RASSF8: variants seen among roughly 807,000 people sequenced by gnomAD.
RASSF8 encodes ras association domain-containing protein 8.
A neutral mutation model predicts 48.5 loss-of-function variants in RASSF8; 22 were observed. The ratio of observed to expected loss-of-function variants is 0.45; its 90% CI spans 0.32 to 0.65. The LOEUF (loss-of-function observed/expected upper bound fraction) is 0.65. Ranked by LOEUF, RASSF8 falls within the 30% of genes least tolerant of loss-of-function variation. The pLI is 0.03. For synonymous variants in RASSF8, 127 were observed against 171.5 expected, an observed-to-expected ratio of 0.74 and a Z score of 2.03; for missense variants, 418 against 489.2, an observed-to-expected ratio of 0.85 and a Z score of 1.37.
intron 1 of RASSF8, among the ~76,000 whole-genome samples, chr12:25,989,671 C>T (rs1313147185): frequency 3.9e-5 from 6 of 152,160 alleles, no homozygotes; most frequent in Non-Finnish European, 7.3e-5. Flanking sequence ...ATCCCTTCTC[C>T]TCTGCCACTC....
At chr12:26,067,953 T>A (rs1943916473) in intron 5 of RASSF8, among the ~76,000 whole-genome samples, 1 of 152,056 alleles carries the variant, frequency 6.6e-6, no homozygotes, top group South Asian at 2.1e-4. Flanking sequence ...GTATTTCTTG[T>A]AGAGATGAGG....
chr12:26,057,813 C>T (rs559192218), intron 3 of RASSF8, among the ~76,000 whole-genome samples: 22 of 152,234 alleles, frequency 1.4e-4, no homozygotes, highest in African/African-American at 5.3e-4. Flanking sequence ...TTTTAATGAT[C>T]GCCATTCCAA....
intron 1 of RASSF8, among the ~76,000 whole-genome samples, chr12:25,982,372 CAT>C (rs1555159723): frequency 6.6e-6 from 1 of 152,084 alleles, no homozygotes; most frequent in Non-Finnish European, 1.5e-5. Flanking sequence ...ATGAAAAAGA[CAT>C]AATGGTTTTA....
At chr12:26,061,083 G>A (rs1943732224) in intron 3 of RASSF8, among the ~76,000 whole-genome samples, 1 of 152,076 alleles carries the variant, frequency 6.6e-6, no homozygotes. Flanking sequence ...CATATGTGGT[G>A]TTCAATATAC....
Position 26,069,190 on chromosome 12 carries a change from A to G in RASSF8, c.*372A>G, listed in dbSNP as rs114677809. ...TAGTTTAATTTATTTCATGTAATCAATGTGTGAATGTTGATGTTTTAATAT... is the reference window on the plus strand; with the variant it reads ...TAGTTTAATTTATTTCATGTAATCAGTGTGTGAATGTTGATGTTTTAATAT... On this transcript the variant is annotated 3_prime_UTR_variant, in exon 6 of 6. Transcript: ENST00000689635. 2,585 of 990,154 alleles carry G rather than the reference A, an allele frequency of 2.6e-3. 55 individuals are homozygous for G. In the African/African-American group the frequency reaches 0.041, roughly 16 times the overall value. 61.3% of individuals were successfully genotyped at this position (990,154 alleles called of 1,614,324 possible).
intron 2 of RASSF8, among the ~76,000 whole-genome samples, chr12:26,030,329 CT>C (rs150582326): frequency 0.097 from 14,835 of 152,162 alleles, 762 homozygotes; most frequent in Middle Eastern, 0.16. Flanking sequence ...AATCTTCCTT[CT>C]TTCTCATGGT....
intron 1 of RASSF8, among the ~76,000 whole-genome samples, chr12:25,974,165 A>G (rs1941549664): frequency 6.6e-6 from 1 of 151,944 alleles, no homozygotes; most frequent in African/African-American, 2.4e-5. Context: ...AATGGAGTGT[A>G]ATTTTTTTCC....
At chr12:26,067,230 A>G (rs1020182435) in intron 4 of RASSF8, among the ~76,000 whole-genome samples, 11 of 152,244 alleles carry the variant, frequency 7.2e-5, no homozygotes, top group Admixed American at 6.5e-4. Context: ...ATGAGTTTAC[A>G]GACTGAGAAA....
At chr12:25,977,040 C>T (rs1941623373) in intron 1 of RASSF8, among the ~76,000 whole-genome samples, 1 of 152,178 alleles carries the variant, frequency 6.6e-6, no homozygotes, top group Non-Finnish European at 1.5e-5. Context: ...TATCCATTAT[C>T]TAATTTGATT....
chr12:26,047,036 C>A lies in RASSF8; in HGVS notation c.-108-8200C>A, dbSNP rs149928545. Among the ~76,000 whole-genome samples the A allele has an allele frequency of 1.5e-3, 232 of 152,290 alleles. 1 individual carries two copies. The highest frequency in any genetic ancestry group is 5.3e-3 in the African/African-American group (220 of 41,544). On this transcript the variant is annotated intron_variant, in intron 2 of 5. Coordinates refer to ENST00000689635, the MANE Select transcript of RASSF8 (RefSeq NM_001394098.1). ...AGACTTTGAGAGTGTGGTCTCTAAT[C>A]CCAGTTCTGAGAGCTTTAACGGGAG...
At chr12:26,013,404 A>G (rs774108618) in intron 2 of RASSF8, among the ~76,000 whole-genome samples, 18 of 152,220 alleles carry the variant, frequency 1.2e-4, no homozygotes, top group Non-Finnish European at 2.6e-4. Flanking sequence ...ATGAGCCTCC[A>G]TGAGCTTAAG....
chr12:25,994,124 A>C (rs1214260610), intron 1 of RASSF8, among the ~76,000 whole-genome samples: 1 of 152,108 alleles, frequency 6.6e-6, no homozygotes, highest in East Asian at 1.9e-4. Context: ...GTTTTCTTAC[A>C]TTTGCATCAG....
chr12:26,004,996 G>C (rs1032905356), intron 2 of RASSF8, among the ~76,000 whole-genome samples: 1 of 149,606 alleles, frequency 6.7e-6, no homozygotes, highest in Non-Finnish European at 1.5e-5. Context: ...TTTACAAAAA[G>C]TTAAAAAAAA....
chr12:26,022,882 C>T (rs920542943), intron 2 of RASSF8, among the ~76,000 whole-genome samples: 9 of 152,084 alleles, frequency 5.9e-5, no homozygotes, highest in Non-Finnish European at 1.2e-4. Flanking sequence ...GCTGGGATTA[C>T]AGGCATGTGC....
At position 26,068,563 on chromosome 12, in the gene RASSF8, A is replaced by G. The variant is rs1301696000; in HGVS notation, c.1139-134A>G. The G allele has an allele frequency of 7.3e-6, 5 of 687,324 alleles. No homozygotes were observed. The East Asian group carries it at 1.1e-4, about 15-fold the overall frequency. The allele number at this position is 687,324 out of a possible 1,614,324, so 42.6% of individuals were successfully genotyped here. A position where few individuals can be genotyped will look rare whatever the true frequency, so the allele number is the denominator to read the frequency against. On this transcript the variant is annotated intron_variant, in intron 5 of 5. Transcript: ENST00000689635. ...AGGTTTTAGCCTTCTCCCCCAGCCC[A>G]GGGCACACAGGGGATTGCAATTATT...
chr12:26,002,003 G>A (rs1349071883), intron 2 of RASSF8, among the ~76,000 whole-genome samples: 6 of 152,194 alleles, frequency 3.9e-5, no homozygotes, highest in Admixed American at 3.9e-4. Flanking sequence ...ATGCTATGAT[G>A]GCTACGCCGT....
chr12:26,056,199 T>C, intron 3 of RASSF8, among the ~76,000 whole-genome samples: 1 of 152,118 alleles, frequency 6.6e-6, no homozygotes, highest in East Asian at 1.9e-4. Context: ...TAAAATAAAA[T>C]AAAATCTTAT....
chr12:26,059,639 A>T (rs891343964), intron 3 of RASSF8, among the ~76,000 whole-genome samples: 4 of 152,154 alleles, frequency 2.6e-5, no homozygotes, highest in African/African-American at 9.7e-5. Flanking sequence ...AATTTTCCAC[A>T]TATTCATTTG....
Position 26,002,831 on chromosome 12 carries a change from C to G in RASSF8, c.-109+7701C>G, listed in dbSNP as rs540023710. Among the ~76,000 whole-genome samples, 248 of 152,230 alleles carry G rather than the reference C, an allele frequency of 1.6e-3. 1 individual carries two copies. In the Middle Eastern group the frequency reaches 0.02, roughly 13 times the overall value. On this transcript the variant is annotated intron_variant, in intron 2 of 5. Transcript: ENST00000689635. ...AATCGGAGTGGTGAAAGTAGGCATC[C>G]TTGTCTTGTTCCAGTTTTTGGAGGA...
Sources: allele counts gnomAD v4.1 joint callset (sites outside exome capture counted in the v4.1 genomes callset), GRCh38; gene constraint gnomAD v4.1.1; transcripts MANE v1.5; gene names NCBI Gene and HGNC (gene_info 2026-07-23, HGNC 2026-07-21).